Variants in PDZD2 observed in about 807,000 individuals in gnomAD.
The protein encoded by PDZD2 is PDZ domain-containing protein 2.
A neutral mutation model predicts 220.7 loss-of-function variants in PDZD2; 90 were observed. That is an observed-to-expected ratio of 0.41 (90% CI 0.34 to 0.49). The LOEUF (loss-of-function observed/expected upper bound fraction) is 0.49, where lower values mean the gene tolerates loss of function less well. Ranked by LOEUF, PDZD2 falls within the 20% of genes least tolerant of loss-of-function variation. The pLI, the probability that PDZD2 is intolerant of heterozygous loss-of-function variation, is 0.28. For missense variants in PDZD2, 3,174 were observed against 3,608.5 expected (o/e 0.88, Z 3.08); for synonymous variants, 1,375 against 1,450.5 (o/e 0.95, Z 1.18).
intron 2 of PDZD2, among the ~76,000 whole-genome samples, chr5:31,976,929 G>A (rs1386041852): frequency 6.6e-6 from 1 of 151,502 alleles, no homozygotes; most frequent in Non-Finnish European, 1.5e-5. Context: ...CGTTGGTCAG[G>A]CTGGTCTCGA....
chr5:31,926,086 G>C (rs547957125), intron 2 of PDZD2, among the ~76,000 whole-genome samples: 6 of 152,176 alleles, frequency 3.9e-5, no homozygotes, highest in African/African-American at 1.4e-4. Context: ...GCCAGGCATA[G>C]TGGCATGTTC....
At chr5:31,788,877 A>G (rs1427344346) in intron 1 of PDZD2, among the ~76,000 whole-genome samples, 1 of 152,086 alleles carries the variant, frequency 6.6e-6, no homozygotes, top group Admixed American at 6.6e-5. Context: ...CATGCTCTGT[A>G]TTTTTTGGCA....
chr5:31,683,549 T>C (rs1746734039), intron 1 of PDZD2, among the ~76,000 whole-genome samples: 1 of 152,180 alleles, frequency 6.6e-6, no homozygotes, highest in Non-Finnish European at 1.5e-5. Context: ...ACTCATACAT[T>C]TACATAGAAG....
chr5:31,720,000 G>C (rs748405083), intron 1 of PDZD2, among the ~76,000 whole-genome samples: 1 of 152,232 alleles, frequency 6.6e-6, no homozygotes, highest in Non-Finnish European at 1.5e-5. Flanking sequence ...CAGGCAATGC[G>C]CTGCCCCAGT....
chr5:31,940,528 A>G (rs992146056), intron 2 of PDZD2, among the ~76,000 whole-genome samples: 1 of 152,306 alleles, frequency 6.6e-6, no homozygotes, highest in East Asian at 1.9e-4. Flanking sequence ...CATGCAGCAG[A>G]GGAACTTGGT....
At chr5:32,076,518 T>C (rs1444757212) in intron 18 of PDZD2, among the ~76,000 whole-genome samples, 1 of 152,156 alleles carries the variant, frequency 6.6e-6, no homozygotes, top group African/African-American at 2.4e-5. Flanking sequence ...AGAAAGAAAA[T>C]AGAATGGATT....
At chr5:31,675,124 T>C (rs1746357129) in intron 1 of PDZD2, among the ~76,000 whole-genome samples, 1 of 151,454 alleles carries the variant, frequency 6.6e-6, no homozygotes, top group African/African-American at 2.4e-5. Context: ...CTGTCTCCTA[T>C]CAGCCAATCC....
chr5:31,892,259 A>G (rs1741115564), intron 2 of PDZD2, among the ~76,000 whole-genome samples: 1 of 152,142 alleles, frequency 6.6e-6, no homozygotes, highest in Admixed American at 6.6e-5. Flanking sequence ...CTCAAGGTCT[A>G]TCTACCCAGC....
intron 2 of PDZD2, among the ~76,000 whole-genome samples, chr5:31,805,155 G>A (rs1182112877): frequency 4.6e-5 from 7 of 152,116 alleles, no homozygotes; most frequent in Non-Finnish European, 7.4e-5. Flanking sequence ...AGATTGTGCC[G>A]CCATTGCACT....
intron 2 of PDZD2, among the ~76,000 whole-genome samples, chr5:31,972,711 A>G (rs1561229464): frequency 6.6e-6 from 1 of 152,232 alleles, no homozygotes; most frequent in Non-Finnish European, 1.5e-5. Context: ...ATGAGTTCCT[A>G]CATATGTGTT....
chr5:31,716,723 A>C (rs1019805361), intron 1 of PDZD2, among the ~76,000 whole-genome samples: 12 of 152,202 alleles, frequency 7.9e-5, no homozygotes, highest in African/African-American at 2.7e-4. Flanking sequence ...CAGTTGCTTG[A>C]ATCCAGGAGG....
chr5:31,894,782 A>G (rs1228409893), intron 2 of PDZD2, among the ~76,000 whole-genome samples: 1 of 152,218 alleles, frequency 6.6e-6, no homozygotes, highest in African/African-American at 2.4e-5. Context: ...CACGAGGGAA[A>G]TGCCCCAGAA....
intron 2 of PDZD2, among the ~76,000 whole-genome samples, chr5:31,881,840 G>A (rs533405121): frequency 3.2e-4 from 49 of 151,082 alleles, no homozygotes; most frequent in African/African-American, 1.2e-3. Flanking sequence ...TCAGCCTCCC[G>A]AGTAGCTGGG....
chr5:31,973,351 A>C (rs543150130), intron 2 of PDZD2, among the ~76,000 whole-genome samples: 1 of 152,356 alleles, frequency 6.6e-6, no homozygotes, highest in African/African-American at 2.4e-5. Flanking sequence ...TATGAAAGTG[A>C]AACTTTGTTG....
intron 14 of PDZD2, among the ~76,000 whole-genome samples, chr5:32,067,891 T>G (rs1434099886): frequency 6.6e-6 from 1 of 152,218 alleles, no homozygotes; most frequent in Non-Finnish European, 1.5e-5. Context: ...ATAGTCATAC[T>G]TGATTTAAGC....
chr5:31,971,489 A>G (rs1372993466), intron 2 of PDZD2, among the ~76,000 whole-genome samples: 3 of 152,180 alleles, frequency 2.0e-5, no homozygotes, highest in Non-Finnish European at 4.4e-5. Context: ...GGGATTTTGG[A>G]GGGACACATA....
intron 1 of PDZD2, among the ~76,000 whole-genome samples, chr5:31,681,580 GTATAA>G (rs1340558612): frequency 2.0e-5 from 3 of 151,546 alleles, no homozygotes; most frequent in African/African-American, 4.9e-5. Flanking sequence ...CATTATATAT[GTATAA>G]TATAATATAT....
chr5:32,085,867 C>A (rs1264899694), intron 19 of PDZD2, among the ~76,000 whole-genome samples: 1 of 140,610 alleles, frequency 7.1e-6, no homozygotes, highest in Non-Finnish European at 1.5e-5. Flanking sequence ...TTTTTTTTTT[C>A]TATTTCTGTA....
At position 31,874,858 on chromosome 5, in the gene PDZD2, G is replaced by T. The variant is rs562093791; in HGVS notation, c.476+75134G>T. ...TGGTCATGAATATTTTGTCATATTT[G>T]CTTTTAGTCTTTGTTTAAACAACAA... On this transcript the variant is annotated intron_variant, in intron 2 of 24. Transcript: ENST00000438447. Among the ~76,000 whole-genome samples, 21 of 151,316 alleles carry T rather than the reference G, an allele frequency of 1.4e-4. No individual in the cohort carries two copies. The South Asian group carries it at 4.2e-3, about 30-fold the overall frequency.
Sources: allele counts gnomAD v4.1 joint callset (sites outside exome capture counted in the v4.1 genomes callset), GRCh38; gene constraint gnomAD v4.1.1; transcripts MANE v1.5; gene names NCBI Gene and HGNC (gene_info 2026-07-23, HGNC 2026-07-21).